Variants in LPL observed in about 807,000 individuals in gnomAD.
LPL encodes lipoprotein lipase.
A neutral mutation model predicts 52.2 loss-of-function variants in LPL; 43 were observed. The observed-to-expected ratio is 0.82, with a 90% confidence interval of 0.64 to 1.06. The LOEUF (loss-of-function observed/expected upper bound fraction) is 1.06, where lower values mean the gene tolerates loss of function less well. LPL is among the 50% of genes least tolerant of loss of function. LPL has a pLI of 0.00. For synonymous variants in LPL, 244 were observed against 215.6 expected (o/e 1.13, Z -1.15); for missense variants, 639 against 585.3 (o/e 1.09, Z -0.95).
intron 9 of LPL, among the ~76,000 whole-genome samples, chr8:19,964,749 T>C (rs1349519037): frequency 6.6e-6 from 1 of 152,060 alleles, no homozygotes; most frequent in African/African-American, 2.4e-5. Context: ...GGCTGGTCAT[T>C]GAACTCCTAA....
At position 19,939,678 on chromosome 8, in the gene LPL, C is replaced by G; in HGVS notation, c.88+150C>G. 1.3e-6 allele frequency: 1 copy of G among 782,932 alleles called. No homozygotes were observed. The highest frequency in any genetic ancestry group is 2.7e-5 in the Admixed American group (1 of 37,568). 48.5% of individuals were successfully genotyped at this position (782,932 alleles called of 1,614,324 possible). A position where few individuals can be genotyped will look rare whatever the true frequency, so the allele number is the denominator to read the frequency against. ...TGGGCTCTAGCCCCGAAACGGTCCCCGGAGTGGGATCCAGGAGGGGCCGGG... is the reference window on the plus strand; with the variant it reads ...TGGGCTCTAGCCCCGAAACGGTCCCGGGAGTGGGATCCAGGAGGGGCCGGG... On this transcript the variant is annotated intron_variant, in intron 1 of 9. Coordinates refer to ENST00000650287, the MANE Select transcript of LPL (RefSeq NM_000237.3). The surrounding 1 kb of genome is among the most constrained non-coding windows in gnomAD (Gnocchi z 4.0).
chr8:19,956,130 C>T lies in LPL; in HGVS notation c.1018+47C>T, dbSNP rs1254618092. 3 of 1,611,264 alleles carry T rather than the reference C, an allele frequency of 1.9e-6. 1 individual carries two copies. Among genetic ancestry groups the T allele is most frequent in the Non-Finnish European group, 8.5e-7 (1 of 1,179,118 alleles). On this transcript the variant is annotated intron_variant, in intron 6 of 9. Coordinates refer to ENST00000650287, the MANE Select transcript of LPL (RefSeq NM_000237.3). ...ATAAGGAAACCAAGGAGTCCTATTTCATCATGCTCACTGCATCACATGTAC... is the reference window on the plus strand; with the variant it reads ...ATAAGGAAACCAAGGAGTCCTATTTTATCATGCTCACTGCATCACATGTAC...
chr8:19,952,053 TG>T (rs1563573153), intron 3 of LPL, 105 bp downstream of exon 3: 1 of 1,291,660 alleles, frequency 7.7e-7, no homozygotes, highest in Non-Finnish European at 1.1e-6. Flanking sequence ...AAATATTTTC[TG>T]GGGGCATTCA....
chr8:19,949,128 G>A (rs2069909828), intron 2 of LPL, among the ~76,000 whole-genome samples: 1 of 152,160 alleles, frequency 6.6e-6, no homozygotes, highest in Non-Finnish European at 1.5e-5. Context: ...AGTAGACTGT[G>A]TAATTTATTT....
chr8:19,954,729 G>T (rs1400591212), intron 5 of LPL, among the ~76,000 whole-genome samples: 2 of 152,234 alleles, frequency 1.3e-5, no homozygotes, highest in Non-Finnish European at 2.9e-5. Flanking sequence ...TGGAACAGAA[G>T]ATGTTAATTA....
chr8:19,941,229 G>T (rs770267385), intron 1 of LPL, among the ~76,000 whole-genome samples: 1 of 152,236 alleles, frequency 6.6e-6, no homozygotes, highest in Non-Finnish European at 1.5e-5. Context: ...CATCTTAGGT[G>T]GGGTATGTTT....
intron 3 of LPL, among the ~76,000 whole-genome samples, chr8:19,952,283 C>A (rs58670071): frequency 0.019 from 2,862 of 152,296 alleles, 90 homozygotes; most frequent in African/African-American, 0.064. Context: ...CCTTCCCTAC[C>A]AGTTGGCTGG....
At position 19,960,927 on chromosome 8, in the gene LPL, A is replaced by G. The variant is rs769442590; in HGVS notation, c.1166A>G (p.Tyr389Cys). The G allele has an allele frequency of 6.2e-7, 1 of 1,613,760 alleles. No individual in the cohort carries two copies. The change falls in exon 8 of 10, where the codon TAC (tyrosine) becomes TGC (cysteine). Residue 389 changes from tyrosine (Y) to cysteine (C), a missense_variant. By Grantham distance (194) the Tyr-to-Cys change is radical. Transcript: ENST00000650287. Reference sequence around the variant, plus strand: ...CCTGAAGTTTCCACAAATAAGACCTACTCCTTCCTAATTTACACAGAGGTA... The same window carrying G: ...CCTGAAGTTTCCACAAATAAGACCTGCTCCTTCCTAATTTACACAGAGGTA... ...TLPEVSTNKTYSFLIYTEVDI... is the reference protein window; with the variant it reads ...TLPEVSTNKTCSFLIYTEVDI...
chr8:19,947,670 C>CCA lies in LPL; in HGVS notation c.89-499_89-498dup, dbSNP rs1249194914. On this transcript the variant is annotated intron_variant, in intron 1 of 9. Transcript: ENST00000650287. ...AAAACAAAACAACCCCCCCCCCGCC[C>CCA]CACACACACACAAATAGTGGAACTA... Among the ~76,000 whole-genome samples, 58 of 131,072 alleles carry CCA rather than the reference C, an allele frequency of 4.4e-4. 1 individual carries two copies. The highest frequency in any genetic ancestry group is 1.5e-3 in the South Asian group (5 of 3,340). 86.0% of individuals were successfully genotyped at this position (131,072 alleles called of 152,430 possible).
intron 4 of LPL, among the ~76,000 whole-genome samples, chr8:19,953,747 G>T (rs2069957847): frequency 6.6e-6 from 1 of 152,122 alleles, no homozygotes. Flanking sequence ...TAGGAGAAAA[G>T]AAGAAGGACC....
At chr8:19,940,676 G>T (rs977785145) in intron 1 of LPL, among the ~76,000 whole-genome samples, 12 of 152,228 alleles carry the variant, frequency 7.9e-5, no homozygotes, top group Non-Finnish European at 1.5e-4. Context: ...GCTTGGATGT[G>T]CTCTCAGGCG....
intron 7 of LPL, among the ~76,000 whole-genome samples, chr8:19,960,342 A>C (rs1474752219): frequency 6.6e-6 from 1 of 152,224 alleles, no homozygotes. Context: ...AGAAATAGTC[A>C]ACAAACATTT....
rs71205952 is a variant in LPL at position 19,959,777 on chromosome 8, C to CTTTT, written c.1139+423_1139+426dup. Among the ~76,000 whole-genome samples the CTTTT allele has an allele frequency of 1.5e-3, 100 of 65,132 alleles. 15 individuals are homozygous for CTTTT. The highest frequency in any genetic ancestry group is 5.2e-3 in the African/African-American group (79 of 15,152). The allele number at this position is 65,132 out of a possible 152,430, so 42.7% of individuals were successfully genotyped here. On this transcript the variant is annotated intron_variant, in intron 7 of 9. Transcript: ENST00000650287. ...AGAAGTCCATGACAAAGTGTTAGCT[C>CTTTT]TTTTTTTTTTTTTTTTTTTTTTTTT...
rs200412008 is a variant in LPL at position 19,939,558 on chromosome 8, C to T, written c.88+30C>T. The T allele has an allele frequency of 1.2e-3, 1,943 of 1,592,150 alleles. 26 individuals are homozygous for T. The African/African-American group carries it at 0.023, about 19-fold the overall frequency. On this transcript the variant is annotated intron_variant, in intron 1 of 9. Coordinates refer to ENST00000650287, the MANE Select transcript of LPL (RefSeq NM_000237.3). This position sits in a 1 kb window ranked among gnomAD's most constrained non-coding sequence, Gnocchi z 4.0. ...GTTTTGCGCGCAAACTCCCCTCCAC[C>T]TGCAGACCCGGCGGGTGGCCACTGC...
chr8:19,954,747 T>C (rs1180842521), intron 5 of LPL, among the ~76,000 whole-genome samples: 2 of 152,226 alleles, frequency 1.3e-5, no homozygotes, highest in Admixed American at 1.3e-4. Context: ...TTAGGATAAA[T>C]CTTCCAAAAT....
In LPL at chr8:19,944,606, T is replaced by C. The variant is rs2069867725; in HGVS notation, c.89-3574T>C. Among the ~76,000 whole-genome samples, 1 of 152,220 alleles carries C rather than the reference T, an allele frequency of 6.6e-6. No homozygotes were observed. The highest frequency in any genetic ancestry group is 2.4e-5 in the African/African-American group (1 of 41,454). ...CTGCCTTTAAAGCACCATCTGCTGC[T>C]TTCCTGGGATGCTCAACACTTCCCT... is the stretch of plus-strand genomic sequence containing the variant. On this transcript the variant is annotated intron_variant, in intron 1 of 9. Transcript: ENST00000650287. This position sits in a 1 kb window ranked among gnomAD's most constrained non-coding sequence, Gnocchi z 4.2.
At chr8:19,949,233 T>C (rs2069910747) in intron 2 of LPL, among the ~76,000 whole-genome samples, 1 of 152,200 alleles carries the variant, frequency 6.6e-6, no homozygotes, top group Non-Finnish European at 1.5e-5. Context: ...TAGTGAGAAC[T>C]AACTAAAAAT....
At chr8:19,945,294 C>T (rs758782664) in intron 1 of LPL, among the ~76,000 whole-genome samples, 8 of 152,092 alleles carry the variant, frequency 5.3e-5, no homozygotes, top group South Asian at 2.1e-4. Flanking sequence ...ATTCATCTTA[C>T]GACACTGAGA....
chr8:19,961,519 T>C (rs2070039294), intron 8 of LPL, among the ~76,000 whole-genome samples: 1 of 152,126 alleles, frequency 6.6e-6, no homozygotes, highest in Non-Finnish European at 1.5e-5. Flanking sequence ...CCCACCCATG[T>C]GTACCCATAA....
Sources: allele counts gnomAD v4.1 joint callset (sites outside exome capture counted in the v4.1 genomes callset), GRCh38; gene constraint gnomAD v4.1.1; non-coding constraint Gnocchi (gnomAD v3.1); transcripts MANE v1.5; gene names NCBI Gene and HGNC (gene_info 2026-07-23, HGNC 2026-07-21).